Variants in LOC400499 observed in about 807,000 individuals in gnomAD.
the LOC400499 span, chr16:11,462,123 C>T: frequency 9.3e-6 from 14 of 1,503,708 alleles, no homozygotes; most frequent in African/African-American, 1.1e-4. Flanking sequence ...CTACCTGTCA[C>T]GTTGGCCTGG....
At chr16:11,458,270 C>A in the LOC400499 span, among the ~76,000 whole-genome samples, 1 of 152,092 alleles carries the variant, frequency 6.6e-6, no homozygotes, top group East Asian at 1.9e-4. Flanking sequence ...TTGCTTGAAC[C>A]CAGAGGCAGA....
At chr16:11,485,187 A>G in the LOC400499 span, 4 of 397,706 alleles carry the variant, frequency 1.0e-5, no homozygotes, top group Non-Finnish European at 1.8e-5. Flanking sequence ...ACGGCACTCC[A>G]GGCTCCCTGG....
At chr16:11,383,572 C>G in the LOC400499 span, 1 of 1,222,174 alleles carries the variant, frequency 8.2e-7, no homozygotes, top group East Asian at 3.2e-5. Context: ...GAGAAAGGGA[C>G]TGGTTTTCCC....
chr16:11,505,457 T>C, the LOC400499 span, among the ~76,000 whole-genome samples: 2 of 135,126 alleles, frequency 1.5e-5, no homozygotes, highest in South Asian at 2.5e-4. Context: ...TTTTTTTTTT[T>C]TTTTTTTTTT....
chr16:11,417,574 G>C, the LOC400499 span: 1 of 398,296 alleles, frequency 2.5e-6, no homozygotes, highest in African/African-American at 2.1e-5. Flanking sequence ...CTGCTGGTCT[G>C]GCCCAGGCAT....
At chr16:11,516,910 C>T in the LOC400499 span, among the ~76,000 whole-genome samples, 1 of 152,204 alleles carries the variant, frequency 6.6e-6, no homozygotes, top group Non-Finnish European at 1.5e-5. Flanking sequence ...GCCTCCAAAG[C>T]TCTGGGATTA....
At chr16:11,512,844 C>T in the LOC400499 span, among the ~76,000 whole-genome samples, 2 of 152,142 alleles carry the variant, frequency 1.3e-5, no homozygotes, top group Non-Finnish European at 2.9e-5. Flanking sequence ...AGCTGAGGGT[C>T]GGTGTGCGGG....
the LOC400499 span, among the ~76,000 whole-genome samples, chr16:11,394,559 T>C: frequency 1.3e-5 from 2 of 152,262 alleles, no homozygotes; most frequent in Non-Finnish European, 2.9e-5. Context: ...GTTCCTCAGA[T>C]AGGTTGAAGC....
the LOC400499 span, among the ~76,000 whole-genome samples, chr16:11,397,793 GGGAGGGATGGAC>G: frequency 1.4e-5 from 2 of 139,912 alleles, no homozygotes; most frequent in African/African-American, 2.8e-5. Flanking sequence ...GAGGGAGGGA[GGGAGGGATGGAC>G]GGACGGATGA....
At chr16:11,463,441 T>A in the LOC400499 span, among the ~76,000 whole-genome samples, 1 of 142,148 alleles carries the variant, frequency 7.0e-6, no homozygotes, top group Non-Finnish European at 1.6e-5. Context: ...TGGATGTGTG[T>A]GTATACAGGG....
chr16:11,387,672 G>A, the LOC400499 span, among the ~76,000 whole-genome samples: 1 of 151,898 alleles, frequency 6.6e-6, no homozygotes, highest in African/African-American at 2.4e-5. Context: ...CTGTCGCCCA[G>A]GCTGGAGTGT....
chr16:11,484,038 C>A, the LOC400499 span, among the ~76,000 whole-genome samples: 28 of 113,656 alleles, frequency 2.5e-4, no homozygotes, highest in African/African-American at 9.5e-4. Flanking sequence ...GACAGACTCT[C>A]GCTCTGTCGC....
At chr16:11,433,996 G>C in the LOC400499 span, among the ~76,000 whole-genome samples, 1 of 152,180 alleles carries the variant, frequency 6.6e-6, no homozygotes, top group Non-Finnish European at 1.5e-5. Context: ...GGAGGTTATG[G>C]GGACCTCCAA....
At chr16:11,432,613 C>T in the LOC400499 span, among the ~76,000 whole-genome samples, 5 of 152,114 alleles carry the variant, frequency 3.3e-5, no homozygotes, top group African/African-American at 1.2e-4. Context: ...AGGAACAGCC[C>T]CAAGAAGCTT....
chr16:11,404,894 G>T, the LOC400499 span: 3 of 398,744 alleles, frequency 7.5e-6, no homozygotes, highest in East Asian at 7.1e-5. Context: ...CGTCATGGGG[G>T]AACCCGACCC....
At chr16:11,437,424 T>G in the LOC400499 span, among the ~76,000 whole-genome samples, 1 of 152,144 alleles carries the variant, frequency 6.6e-6, no homozygotes, top group Non-Finnish European at 1.5e-5. Flanking sequence ...CTGAGCGTGG[T>G]GGCATGCACC....
chr16:11,421,279 G>A, the LOC400499 span, among the ~76,000 whole-genome samples: 3 of 152,152 alleles, frequency 2.0e-5, no homozygotes, highest in African/African-American at 7.2e-5. Flanking sequence ...CCACACAGCT[G>A]GCTCCCTGGA....
the LOC400499 span, among the ~76,000 whole-genome samples, chr16:11,485,910 G>C: frequency 0.01 from 1,565 of 152,314 alleles, 12 homozygotes; most frequent in Non-Finnish European, 0.016. Context: ...GAGATGGATG[G>C]GAAATTACAG....
At chr16:11,385,411 C>T in the LOC400499 span, 2 of 1,232,264 alleles carry the variant, frequency 1.6e-6, no homozygotes, top group Admixed American at 4.2e-5. Context: ...GCCACCAGGG[C>T]ATGGTCTGGG....
Sources: allele counts gnomAD v4.1 joint callset (sites outside exome capture counted in the v4.1 genomes callset), GRCh38; gene constraint gnomAD v4.1.1; transcripts MANE v1.5.